The following NCAM2 variants were observed in gnomAD, a reference collection of about 807,000 sequenced individuals.
NCAM2 encodes the protein neural cell adhesion molecule 2.
NCAM2 carries 30 observed loss-of-function variants against 98.1 expected under a neutral mutation model. The ratio of observed to expected loss-of-function variants is 0.31; its 90% confidence interval spans 0.23 to 0.41. The LOEUF is 0.41. NCAM2 is among the 10% of genes least tolerant of loss of function. The pLI is 1.00. For synonymous variants in NCAM2, 368 were observed against 342.4 expected (o/e 1.07, Z -0.83); for missense variants, 867 against 1,005.8 (o/e 0.86, Z 1.87).
chr21:21,165,380 T>C lies in NCAM2; in HGVS notation c.56-115198T>C, dbSNP rs1174728830. Among the ~76,000 whole-genome samples, 3 of 152,286 alleles carry C rather than the reference T, an allele frequency of 2.0e-5. No homozygotes were observed. The East Asian group carries it at 5.8e-4, about 29-fold the overall frequency. ...ACTGATTGAGCTACTCACTCCAGCC[T>C]CCTTCCAGAGCAAAAACAGATGTTC... On this transcript the variant is annotated intron_variant, in intron 1 of 17. Coordinates refer to ENST00000400546, the MANE Select transcript of NCAM2 (RefSeq NM_004540.5).
intron 1 of NCAM2, chr21:21,226,551 A>G (rs1308679381): frequency 6.6e-5 from 10 of 152,100 alleles, no homozygotes; most frequent in Non-Finnish European, 7.4e-5. Context: ...CACAATGTCT[A>G]TTATGTTTGT....
intron 1 of NCAM2, among the ~76,000 whole-genome samples, chr21:21,240,682 A>T (rs990687641): frequency 1.3e-5 from 2 of 152,156 alleles, no homozygotes; most frequent in African/African-American, 2.4e-5. Flanking sequence ...CTACCATCTC[A>T]TATTTTTCTC....
intron 1 of NCAM2, among the ~76,000 whole-genome samples, chr21:21,207,760 A>G (rs1601647408): frequency 1.3e-5 from 2 of 152,170 alleles, no homozygotes; most frequent in Admixed American, 1.3e-4. Context: ...AACTTTAAAT[A>G]TAGGAAGACA....
chr21:21,303,194 A>C (rs1324953179), intron 5 of NCAM2, among the ~76,000 whole-genome samples: 1 of 150,550 alleles, frequency 6.6e-6, no homozygotes, highest in African/African-American at 2.5e-5. Flanking sequence ...ACAAACCTGC[A>C]CATGTACCCC....
chr21:21,493,049 T>C (rs1986958335), intron 15 of NCAM2, among the ~76,000 whole-genome samples: 1 of 151,940 alleles, frequency 6.6e-6, no homozygotes, highest in Non-Finnish European at 1.5e-5. Context: ...GCAGAAAACA[T>C]TAAAATTTGT....
chr21:21,260,664 A>G (rs997017146), intron 1 of NCAM2, among the ~76,000 whole-genome samples: 10 of 152,154 alleles, frequency 6.6e-5, no homozygotes, highest in Non-Finnish European at 1.0e-4. Flanking sequence ...GAGTAAGGAA[A>G]TTTGTCACCA....
Position 21,389,176 on chromosome 21 carries a change from A to G in NCAM2, c.1195+15163A>G, listed in dbSNP as rs186781174. 2.8e-4 allele frequency among the ~76,000 whole-genome samples: 42 copies of G among 152,346 alleles called. 1 individual carries two copies. In the East Asian group the frequency reaches 7.9e-3, roughly 29 times the overall value. On this transcript the variant is annotated intron_variant, in intron 9 of 17. Transcript: ENST00000400546. ...TCACAGTTCCACATGGGTGGGGGGA[A>G]GCCTTACAATCATTGCTGAAGGCAA...
intron 1 of NCAM2, among the ~76,000 whole-genome samples, chr21:21,129,171 G>A (rs1025768443): frequency 3.3e-5 from 5 of 152,064 alleles, no homozygotes; most frequent in Non-Finnish European, 7.4e-5. Context: ...AAACTTTTAA[G>A]TCTTTAAAAA....
rs371370125 is a variant in NCAM2, at chr21:21,009,883, C to CTCTGTGTGTGTGTGTG, written c.55+11266_55+11267insCTGTGTGTGTGTGTGT. Among the ~76,000 whole-genome samples the CTCTGTGTGTGTGTGTG allele has an allele frequency of 2.2e-4, 31 of 139,734 alleles. No individual in the cohort carries two copies. The South Asian group carries it at 6.3e-3, about 28-fold the overall frequency. The allele number at this position is 139,734 out of a possible 152,430, so 91.7% of individuals were successfully genotyped here. ...AAAATCCTCCTTTGGCCTCTGATAGCTGTGTGTGTGTGTGTGTGTGTGTGT... is the reference window on the plus strand; with the variant it reads ...AAAATCCTCCTTTGGCCTCTGATAGCTCTGTGTGTGTGTGTGTGTGTGTGTGTGTGTGTGTGTGTGT... On this transcript the variant is annotated intron_variant, in intron 1 of 17. Transcript: ENST00000400546.
At chr21:21,447,647 T>G (rs1368166256) in intron 12 of NCAM2, among the ~76,000 whole-genome samples, 1 of 152,162 alleles carries the variant, frequency 6.6e-6, no homozygotes, top group Non-Finnish European at 1.5e-5. Context: ...TTTACCCATC[T>G]GACAAAAGTC....
chr21:21,484,356 C>T (rs897835136), intron 15 of NCAM2, among the ~76,000 whole-genome samples: 5 of 152,016 alleles, frequency 3.3e-5, no homozygotes, highest in African/African-American at 1.2e-4. Context: ...CCTACTGTCA[C>T]GTTTTTTCTC....
intron 1 of NCAM2, among the ~76,000 whole-genome samples, chr21:21,023,243 G>A (rs914352598): frequency 6.6e-6 from 1 of 152,122 alleles, no homozygotes; most frequent in African/African-American, 2.4e-5. Context: ...GAATATTAAG[G>A]CTGGGTGCGG....
intron 1 of NCAM2, among the ~76,000 whole-genome samples, chr21:21,156,605 T>C (rs2067620598): frequency 6.6e-6 from 1 of 151,840 alleles, no homozygotes; most frequent in Non-Finnish European, 1.5e-5. Context: ...GATAGATAGA[T>C]AGATAGATAG....
At chr21:21,092,076 G>T (rs1313206212) in intron 1 of NCAM2, among the ~76,000 whole-genome samples, 1 of 152,058 alleles carries the variant, frequency 6.6e-6, no homozygotes, top group African/African-American at 2.4e-5. Context: ...ATTTATTTGT[G>T]TATGGAATGG....
At chr21:21,168,400 C>T (rs1412464263) in intron 1 of NCAM2, among the ~76,000 whole-genome samples, 1 of 151,938 alleles carries the variant, frequency 6.6e-6, no homozygotes, top group South Asian at 2.1e-4. Flanking sequence ...CAGGATACCC[C>T]TTCTCATTAG....
At chr21:21,038,937 G>A (rs1311594389) in intron 1 of NCAM2, among the ~76,000 whole-genome samples, 1 of 152,070 alleles carries the variant, frequency 6.6e-6, no homozygotes, top group Admixed American at 6.6e-5. Context: ...TCTTAGAATT[G>A]TAACCGTTTG....
chr21:21,051,060 A>G (rs958857653), intron 1 of NCAM2, among the ~76,000 whole-genome samples: 3 of 152,306 alleles, frequency 2.0e-5, no homozygotes, highest in African/African-American at 7.2e-5. Flanking sequence ...CCTTCAATAA[A>G]AGAAGTGTTT....
chr21:21,440,124 A>G (rs1391549150), intron 12 of NCAM2, among the ~76,000 whole-genome samples: 1 of 152,204 alleles, frequency 6.6e-6, no homozygotes, highest in Non-Finnish European at 1.5e-5. Context: ...TCATGCTTAC[A>G]TATTTCTAAC....
At chr21:21,339,249 G>C (rs1404935538) in intron 8 of NCAM2, among the ~76,000 whole-genome samples, 1 of 152,072 alleles carries the variant, frequency 6.6e-6, no homozygotes, top group Non-Finnish European at 1.5e-5. Flanking sequence ...TTCTGCAGTA[G>C]AAGTGTAGGT....
Sources: allele counts gnomAD v4.1 joint callset (sites outside exome capture counted in the v4.1 genomes callset), GRCh38; gene constraint gnomAD v4.1.1; transcripts MANE v1.5; gene names NCBI Gene and HGNC (gene_info 2026-07-23, HGNC 2026-07-21).